Variants in PTPA observed in about 807,000 individuals in gnomAD.
PTPA encodes the protein protein phosphatase 2 phosphatase activator.
Under a neutral mutation model 43.6 loss-of-function variants are expected in PTPA, and 13 were observed. That is an observed-to-expected ratio of 0.30 (90% CI 0.19 to 0.47). The LOEUF (loss-of-function observed/expected upper bound fraction) is 0.47. Ranked by LOEUF, PTPA falls within the 20% of genes least tolerant of loss-of-function variation. PTPA has a pLI of 0.99. For synonymous variants in PTPA, 172 were observed against 158.2 expected (o/e 1.09, Z -0.66); for missense variants, 329 against 411.9 (o/e 0.80, Z 1.74).
At chr9:129,145,707 C>G (rs1851249838) in intron 9 of PTPA, among the ~76,000 whole-genome samples, 1 of 152,114 alleles carries the variant, frequency 6.6e-6, no homozygotes, top group Admixed American at 6.5e-5. Flanking sequence ...TCTCAGGGGC[C>G]TTGTGTGGTT....
intron 7 of PTPA, 72 bp downstream of exon 7, chr9:129,136,667 C>T: frequency 6.8e-7 from 1 of 1,471,208 alleles, no homozygotes; most frequent in Non-Finnish European, 9.1e-7. Flanking sequence ...CCCTGCCCCT[C>T]CTGCGCTCCC....
In PTPA at chr9:129,111,464, G is replaced by C; in HGVS notation, c.-137G>C. 7.9e-7 allele frequency: 1 copy of C among 1,259,524 alleles called. No homozygotes were observed. Among genetic ancestry groups the C allele is most frequent in the East Asian group, 3.2e-5 (1 of 31,726 alleles). 78.0% of individuals were successfully genotyped at this position (1,259,524 alleles called of 1,614,324 possible). On this transcript the variant is annotated 5_prime_UTR_variant, in exon 1 of 10. Coordinates refer to ENST00000393370, the MANE Select transcript of PTPA (RefSeq NM_178000.3). The stretch of plus-strand genomic sequence containing the variant: ...GTGGTGACTTTAACTCTCGGTTTTC[G>C]GTTATAGCCGGCCGGCGCTCACTTG...
intron 3 of PTPA, among the ~76,000 whole-genome samples, chr9:129,123,615 T>C (rs1208810982): frequency 6.6e-6 from 1 of 151,778 alleles, no homozygotes; most frequent in Non-Finnish European, 1.5e-5. Flanking sequence ...TAGATGGATA[T>C]TTATAAAATT....
chr9:129,129,555 C>T (rs1342592868), intron 4 of PTPA, among the ~76,000 whole-genome samples: 2 of 151,786 alleles, frequency 1.3e-5, no homozygotes, highest in African/African-American at 4.8e-5. Flanking sequence ...CTGCAAGCTC[C>T]ACCTCCTGGG....
chr9:129,139,898 A>G (rs545601865), intron 8 of PTPA: 7 of 152,218 alleles, frequency 4.6e-5, no homozygotes, highest in Non-Finnish European at 1.0e-4. Flanking sequence ...CAGGGCCTCT[A>G]CAGCCTCTGT....
intron 9 of PTPA, among the ~76,000 whole-genome samples, chr9:129,146,619 C>T (rs1325419127): frequency 1.3e-5 from 2 of 152,216 alleles, no homozygotes; most frequent in South Asian, 2.1e-4. Flanking sequence ...CAGAACGGCT[C>T]CTGTGAGAGC....
At chr9:129,127,900 G>T in intron 3 of PTPA, 2 of 1,067,874 alleles carry the variant, frequency 1.9e-6, no homozygotes, top group Non-Finnish European at 2.6e-6. Flanking sequence ...TAATTATAAT[G>T]CAGTGGCACG....
At chr9:129,143,783 A>AAT in intron 9 of PTPA, 3 of 218,770 alleles carry the variant, frequency 1.4e-5, no homozygotes, top group Non-Finnish European at 1.9e-5. Flanking sequence ...TTCCGGCTGC[A>AAT]GCTGGCCACC....
chr9:129,146,773 G>A (rs1164485946), intron 9 of PTPA, among the ~76,000 whole-genome samples: 3 of 152,232 alleles, frequency 2.0e-5, no homozygotes, highest in East Asian at 3.9e-4. Flanking sequence ...AGGAGCCCGG[G>A]CTGGGCTGGG....
At chr9:129,123,249 G>A (rs915533222) in intron 3 of PTPA, 111 bp downstream of exon 3, 18 of 848,244 alleles carry the variant, frequency 2.1e-5, no homozygotes, top group Non-Finnish European at 3.0e-5. Context: ...CGAGGCAGGC[G>A]GCTCACGAGG....
chr9:129,121,435 G>T (rs573437288), intron 2 of PTPA, among the ~76,000 whole-genome samples: 1 of 152,302 alleles, frequency 6.6e-6, no homozygotes, highest in African/African-American at 2.4e-5. Context: ...TAGTTATCAT[G>T]TCTTTTCTGA....
chr9:129,139,395 G>A (rs1482591287), intron 8 of PTPA: 1 of 152,446 alleles, frequency 6.6e-6, no homozygotes. Context: ...GGAACAGGGA[G>A]GGGAGGGCGT....
chr9:129,116,090 G>A (rs1848843843), intron 1 of PTPA, among the ~76,000 whole-genome samples: 1 of 150,954 alleles, frequency 6.6e-6, no homozygotes, highest in Non-Finnish European at 1.5e-5. Context: ...GCGCGACCTC[G>A]GCTCACTGCA....
At chr9:129,146,790 G>A (rs1335178436) in intron 9 of PTPA, among the ~76,000 whole-genome samples, 1 of 152,152 alleles carries the variant, frequency 6.6e-6, no homozygotes, top group Non-Finnish European at 1.5e-5. Flanking sequence ...TGGGCTCAGG[G>A]AGTCGGGCCT....
intron 5 of PTPA, among the ~76,000 whole-genome samples, chr9:129,134,293 G>GTTT (rs1408424741): frequency 6.9e-5 from 7 of 101,850 alleles, no homozygotes; most frequent in South Asian, 3.6e-4. Flanking sequence ...AGTACTGGTA[G>GTTT]TTCTTTTTTT....
chr9:129,129,424 A>G (rs910138268), intron 4 of PTPA, among the ~76,000 whole-genome samples: 3 of 151,702 alleles, frequency 2.0e-5, no homozygotes, highest in South Asian at 2.1e-4. Context: ...CATCAATATC[A>G]TGGAGTACTG....
At chr9:129,141,110 C>T (rs1394825563) in intron 8 of PTPA, among the ~76,000 whole-genome samples, 1 of 151,984 alleles carries the variant, frequency 6.6e-6, no homozygotes, top group Admixed American at 6.6e-5. Context: ...TTTTTGGGAA[C>T]CTGGGCCAGG....
chr9:129,120,536 G>A lies in PTPA; in HGVS notation c.55G>A (p.Ala19Thr). ...PPDSSEEAPP[A>T]TQNFIIPKKE... Reference sequence around the variant, plus strand: ...AGATTCTTCAGAGGAGGCCCCTCCAGCCACTCAGAACTTCATCATTCCAAA... The same window carrying A: ...AGATTCTTCAGAGGAGGCCCCTCCAACCACTCAGAACTTCATCATTCCAAA... Residue 19 changes from alanine to threonine, a missense_variant, in exon 2 of 10, where the codon GCC (alanine) becomes ACC (threonine). By Grantham distance (58) the Ala-to-Thr change is moderately conservative (BLOSUM62 0). Coordinates refer to ENST00000393370, the MANE Select transcript of PTPA (RefSeq NM_178000.3). 6.2e-7 allele frequency: 1 copy of A among 1,613,296 alleles called. No homozygotes were observed. The highest frequency in any genetic ancestry group is 1.1e-5 in the South Asian group (1 of 91,006).
chr9:129,142,198 A>T, intron 8 of PTPA: 1 of 410,900 alleles, frequency 2.4e-6, no homozygotes, highest in Non-Finnish European at 4.3e-6. Flanking sequence ...AAGGAATGTT[A>T]TATTTTCCTA....
Sources: gnomAD v4.1 joint callset for allele counts (sites outside exome capture counted in the v4.1 genomes callset) on GRCh38, gnomAD v4.1.1 for gene constraint, MANE v1.5 for transcripts, NCBI Gene and HGNC (gene_info 2026-07-23, HGNC 2026-07-21) for gene names.